RPS6KC1: variants seen among roughly 807,000 people sequenced by gnomAD.
RPS6KC1 encodes inactive ribosomal protein S6 kinase delta-1.
Under a neutral mutation model 103.8 loss-of-function variants are expected in RPS6KC1, and 54 were observed. The ratio of observed to expected loss-of-function variants is 0.52; its 90% CI spans 0.42 to 0.65. The LOEUF (loss-of-function observed/expected upper bound fraction) is 0.65, where lower values mean the gene tolerates loss of function less well. Ranked by LOEUF, RPS6KC1 falls within the 30% of genes least tolerant of loss-of-function variation. The probability of loss-of-function intolerance (pLI) is 0.00; values close to 1 mark genes in which losing one functional copy is unlikely to be tolerated. For synonymous variants in RPS6KC1, 439 were observed against 438.7 expected (o/e 1.00, Z -0.01); for missense variants, 1,151 against 1,253.8 (o/e 0.92, Z 1.24).
chr1:213,412,647 G>T, the RPS6KC1 span, among the ~76,000 whole-genome samples: 1 of 152,202 alleles, frequency 6.6e-6, no homozygotes, highest in Non-Finnish European at 1.5e-5. Flanking sequence ...CTTTCAATCT[G>T]GGGAGAGCAA....
chr1:213,422,462 T>C, the RPS6KC1 span, among the ~76,000 whole-genome samples: 1 of 152,236 alleles, frequency 6.6e-6, no homozygotes, highest in Non-Finnish European at 1.5e-5. Flanking sequence ...TGAACATTGG[T>C]GTACAAATGT....
At chr1:213,668,927 C>T in the RPS6KC1 span, among the ~76,000 whole-genome samples, 2 of 152,254 alleles carry the variant, frequency 1.3e-5, no homozygotes, top group Non-Finnish European at 1.5e-5. Flanking sequence ...TTCCTCACCT[C>T]TCTCAGACTT....
chr1:213,090,175 T>C (rs2080831515), intron 3 of RPS6KC1, among the ~76,000 whole-genome samples: 1 of 152,318 alleles, frequency 6.6e-6, no homozygotes, highest in East Asian at 1.9e-4. Context: ...ACTCTAAATA[T>C]GAAGATGAAG....
intron 3 of RPS6KC1, among the ~76,000 whole-genome samples, chr1:213,089,263 C>A (rs2080738249): frequency 2.0e-5 from 3 of 152,178 alleles, no homozygotes; most frequent in Non-Finnish European, 4.4e-5. Context: ...CCGTTGTAGG[C>A]TGTTAGCATG....
the RPS6KC1 span, among the ~76,000 whole-genome samples, chr1:213,546,852 G>T: frequency 1.3e-5 from 2 of 152,082 alleles, no homozygotes; most frequent in African/African-American, 2.4e-5. Flanking sequence ...CTTAACTAAG[G>T]TCCATCATTT....
intron 6 of RPS6KC1, among the ~76,000 whole-genome samples, chr1:213,150,865 G>A (rs908836187): frequency 4.6e-5 from 7 of 152,260 alleles, no homozygotes; most frequent in Non-Finnish European, 8.8e-5. Flanking sequence ...GGGCAGAGGG[G>A]CTCCTCACTT....
At chr1:213,262,929 A>G (rs1290315813) in intron 14 of RPS6KC1, 113 bp downstream of exon 14, 3 of 724,004 alleles carry the variant, frequency 4.1e-6, no homozygotes, top group Non-Finnish European at 5.0e-6. Context: ...CATTTAACGT[A>G]AAACAAAGAC....
the RPS6KC1 span, among the ~76,000 whole-genome samples, chr1:213,357,934 C>T: frequency 6.6e-6 from 1 of 152,096 alleles, no homozygotes; most frequent in Non-Finnish European, 1.5e-5. Flanking sequence ...ACCTTGTGGT[C>T]GTTCTTGATT....
the RPS6KC1 span, among the ~76,000 whole-genome samples, chr1:213,413,509 T>C: frequency 2.8e-4 from 43 of 152,178 alleles, no homozygotes; most frequent in Non-Finnish European, 5.1e-4. Context: ...AAGGCTGTGC[T>C]AGATTTAGAG....
At position 213,097,105 on chromosome 1, in the gene RPS6KC1, C is replaced by T. The variant is rs568237703; in HGVS notation, c.263-7349C>T. On this transcript the variant is annotated intron_variant, in intron 3 of 14. Coordinates refer to ENST00000366960, the MANE Select transcript of RPS6KC1 (RefSeq NM_012424.6). Reference sequence around the variant, plus strand: ...GCACAGTGGCTCATACCTGTAATTCCAGCACTTTGGGAGGCCAAGGCGGGT... The same window carrying T: ...GCACAGTGGCTCATACCTGTAATTCTAGCACTTTGGGAGGCCAAGGCGGGT... 1.3e-4 allele frequency among the ~76,000 whole-genome samples: 20 copies of T among 152,274 alleles called. 1 individual carries two copies. In the South Asian group the frequency reaches 2.9e-3, roughly 22 times the overall value.
chr1:213,744,263 CA>C, the RPS6KC1 span, among the ~76,000 whole-genome samples: 4 of 151,740 alleles, frequency 2.6e-5, no homozygotes, highest in East Asian at 7.8e-4. Context: ...TCCATGTAAA[CA>C]AAAACCACCT....
At chr1:213,535,340 G>A in the RPS6KC1 span, among the ~76,000 whole-genome samples, 1 of 152,204 alleles carries the variant, frequency 6.6e-6, no homozygotes, top group African/African-American at 2.4e-5. Context: ...GTTTGGTGTT[G>A]AGTTTCCTAG....
chr1:213,127,328 A>G (rs2085095765), intron 5 of RPS6KC1, among the ~76,000 whole-genome samples: 1 of 152,210 alleles, frequency 6.6e-6, no homozygotes, highest in South Asian at 2.1e-4. Flanking sequence ...TACTCATTGC[A>G]CATACTTATA....
the RPS6KC1 span, among the ~76,000 whole-genome samples, chr1:213,655,227 G>A: frequency 6.6e-6 from 1 of 152,150 alleles, no homozygotes; most frequent in African/African-American, 2.4e-5. Context: ...ATTTTTAGTA[G>A]AGACAGGGTT....
At chr1:213,301,466 G>A in the RPS6KC1 span, among the ~76,000 whole-genome samples, 3 of 152,182 alleles carry the variant, frequency 2.0e-5, no homozygotes, top group Non-Finnish European at 2.9e-5. Context: ...AAGGTTCTGG[G>A]GATGCAGTGA....
At chr1:213,490,730 T>C in the RPS6KC1 span, among the ~76,000 whole-genome samples, 1 of 152,216 alleles carries the variant, frequency 6.6e-6, no homozygotes, top group East Asian at 1.9e-4. Context: ...AAAGAATGAA[T>C]TGCTCTCAAG....
At chr1:213,296,712 G>T in the RPS6KC1 span, among the ~76,000 whole-genome samples, 1 of 152,188 alleles carries the variant, frequency 6.6e-6, no homozygotes, top group Admixed American at 6.5e-5. Flanking sequence ...GGGACTAGTT[G>T]GTCAGAGATG....
chr1:213,488,320 A>G, the RPS6KC1 span, among the ~76,000 whole-genome samples: 1 of 152,242 alleles, frequency 6.6e-6, no homozygotes, highest in Non-Finnish European at 1.5e-5. Context: ...CAACAGGACC[A>G]TTATAAACTG....
intron 3 of RPS6KC1, among the ~76,000 whole-genome samples, chr1:213,087,468 A>G (rs1219713089): frequency 2.0e-5 from 3 of 152,136 alleles, no homozygotes; most frequent in Non-Finnish European, 4.4e-5. Context: ...ATTGCTTCTT[A>G]GCTTCAAATC....
Sources: gnomAD v4.1 joint callset for allele counts (sites outside exome capture counted in the v4.1 genomes callset) on GRCh38, gnomAD v4.1.1 for gene constraint, MANE v1.5 for transcripts, NCBI Gene and HGNC (gene_info 2026-07-23, HGNC 2026-07-21) for gene names.